Variants in FKBP3 observed in about 807,000 individuals in gnomAD.
The protein encoded by FKBP3 is FKBP prolyl isomerase 3, also known as peptidyl-prolyl cis-trans isomerase FKBP3.
Under a neutral mutation model 30.6 loss-of-function variants are expected in FKBP3, and 21 were observed. The observed-to-expected ratio is 0.69, with a 90% CI of 0.49 to 0.99. FKBP3 has a LOEUF of 0.99. Among genes scored for constraint, FKBP3 ranks in the 50% least tolerant of loss-of-function variants. The pLI is 0.00. For synonymous variants in FKBP3, 82 were observed against 91.3 expected, an observed-to-expected ratio of 0.90 and a Z score of 0.58; for missense variants, 283 against 261.6, an observed-to-expected ratio of 1.08 and a Z score of -0.56.
Position 45,116,126 on chromosome 14 carries a change from AG to A in FKBP3, c.*71del. The A allele has an allele frequency of 9.8e-7, 1 of 1,022,084 alleles. No homozygotes were observed. Among genetic ancestry groups the A allele is most frequent in the East Asian group, 2.4e-5 (1 of 41,840 alleles). The allele number at this position is 1,022,084 out of a possible 1,614,324, so 63.3% of individuals were successfully genotyped here. On this transcript the variant is annotated 3_prime_UTR_variant, in exon 7 of 7. Transcript: ENST00000396062. ...TTTACAATAGTAACAAGTTCTAACT[AG>A]TTGTGTAAATTTCTTCAAGGCCAAG...
intron 5 of FKBP3, among the ~76,000 whole-genome samples, chr14:45,119,490 A>G (rs1407523025): frequency 6.6e-6 from 1 of 151,522 alleles, no homozygotes; most frequent in African/African-American, 2.4e-5. Context: ...AATCGCTTGA[A>G]CTCAGGAGAC....
At chr14:45,123,602 C>A (rs1470141434) in intron 3 of FKBP3, among the ~76,000 whole-genome samples, 1 of 84,300 alleles carries the variant, frequency 1.2e-5, no homozygotes. Flanking sequence ...CTCTCTACTC[C>A]TTTTTTTTTT....
chr14:45,118,036 A>T lies in FKBP3; in HGVS notation c.612T>A (p.Pro204=). ...PEWAYGKKGQ[P]DAKIPPNAKL... ...AGGGGAAAAAAGGATACTTGGCATCAGGCTGTCCTTTCTTTCCGTAAGCCC... is the reference window on the plus strand; with the variant it reads ...AGGGGAAAAAAGGATACTTGGCATCTGGCTGTCCTTTCTTTCCGTAAGCCC... Residue 204 remains proline, a synonymous_variant, in exon 6 of 7, where the codon CCT becomes CCA. Coordinates refer to ENST00000396062, the MANE Select transcript of FKBP3 (RefSeq NM_002013.4). The T allele has an allele frequency of 6.3e-7, 1 of 1,594,974 alleles. No homozygotes were observed.
intron 4 of FKBP3, 110 bp downstream of exon 4, chr14:45,121,375 T>A: frequency 1.2e-6 from 1 of 823,134 alleles, no homozygotes; most frequent in Non-Finnish European, 1.9e-6. Context: ...TATGTCTGGA[T>A]GAAAGTAGGT....
chr14:45,133,535 T>C (rs1408034325), intron 1 of FKBP3: 1 of 155,186 alleles, frequency 6.4e-6, no homozygotes, highest in South Asian at 1.8e-4. Context: ...AAAAATTGTA[T>C]AGAAAACACA....
In FKBP3 at chr14:45,132,366, G is replaced by A. The variant is rs74674143; in HGVS notation, c.109-1566C>T. The stretch of plus-strand genomic sequence containing the variant: ...TGATTAATAAAATAATTATTGTCAA[G>A]TATAGGTCTAAGTGTTAATGATCAC... On this transcript the variant is annotated intron_variant, in intron 1 of 6. Coordinates refer to ENST00000396062, the MANE Select transcript of FKBP3 (RefSeq NM_002013.4). Among the ~76,000 whole-genome samples, 783 of 152,110 alleles carry A rather than the reference G, an allele frequency of 5.1e-3. 11 individuals are homozygous for A. The highest frequency in any genetic ancestry group is 0.018 in the African/African-American group (736 of 41,478).
At position 45,129,844 on chromosome 14, in the gene FKBP3, G is replaced by A; in HGVS notation, c.268C>T (p.Leu90Phe). The A allele has an allele frequency of 6.2e-7, 1 of 1,613,016 alleles. No individual in the cohort carries two copies. The highest frequency in any genetic ancestry group is 8.5e-7 in the Non-Finnish European group (1 of 1,179,450). The change falls in exon 3 of 7, where the codon CTT becomes TTT. Residue 90 changes from leucine to phenylalanine, a missense_variant. By Grantham distance (22) the Leu-to-Phe change is conservative. Coordinates refer to ENST00000396062, the MANE Select transcript of FKBP3 (RefSeq NM_002013.4). ...GTTTCTTTGGGTTTATCTTCATTAA[G>A]CTTCACATTTTTTACTTGCTCAGAC... The part of the protein sequence containing the change: ...KVSEQVKNVK[L>F]NEDKPKETKS...
intron 1 of FKBP3, among the ~76,000 whole-genome samples, chr14:45,132,030 T>G (rs1469780788): frequency 6.6e-6 from 1 of 152,256 alleles, no homozygotes; most frequent in Non-Finnish European, 1.5e-5. Context: ...TTATTCTGCT[T>G]CTTTTTCTGC....
intron 1 of FKBP3, among the ~76,000 whole-genome samples, chr14:45,133,055 G>A (rs1229307638): frequency 6.6e-6 from 1 of 152,172 alleles, no homozygotes; most frequent in African/African-American, 2.4e-5. Flanking sequence ...ATTAATATCT[G>A]CTAAATTAAT....
At chr14:45,123,626 T>C (rs1386536988) in intron 3 of FKBP3, among the ~76,000 whole-genome samples, 1 of 138,194 alleles carries the variant, frequency 7.2e-6, no homozygotes, top group African/African-American at 2.8e-5. Context: ...TTTTTTTTTT[T>C]TTTTTTCAGA....
chr14:45,121,768 A>T, intron 3 of FKBP3, 148 bp from the exon 4 acceptor site: 1 of 799,954 alleles, frequency 1.3e-6, no homozygotes, highest in Non-Finnish European at 1.9e-6. Context: ...TCAGTATCTA[A>T]TTTCAAGGCT....
intron 1 of FKBP3, chr14:45,133,327 C>T: frequency 3.3e-6 from 1 of 301,890 alleles, no homozygotes. Flanking sequence ...ATTAACCTGG[C>T]GTGGTGGCAC....
At chr14:45,126,420 G>A (rs1348528909) in intron 3 of FKBP3, among the ~76,000 whole-genome samples, 1 of 151,572 alleles carries the variant, frequency 6.6e-6, no homozygotes, top group Non-Finnish European at 1.5e-5. Context: ...CCCGGGAGGC[G>A]GAGGTTGCAG....
intron 3 of FKBP3, among the ~76,000 whole-genome samples, chr14:45,122,092 T>A (rs1884997446): frequency 6.6e-6 from 1 of 152,198 alleles, no homozygotes; most frequent in African/African-American, 2.4e-5. Flanking sequence ...TGTCCCCGAT[T>A]TGGAAAATAA....
rs1594747695 is a variant in FKBP3 at position 45,134,411 on chromosome 14, G to A, written c.46C>T (p.Arg16Cys). 1.2e-6 allele frequency: 2 copies of A among 1,613,650 alleles called. No individual in the cohort carries two copies. The highest frequency in any genetic ancestry group is 1.7e-6 in the Non-Finnish European group (2 of 1,179,864). The change falls in exon 1 of 7, where the codon CGC becomes TGC. Residue 16 changes from arginine (R) to cysteine (C), a missense_variant. Coordinates refer to ENST00000396062, the MANE Select transcript of FKBP3 (RefSeq NM_002013.4). ...TCCTTCTTGGGCAGCTGCTCACTGC[G>A]CAGCTGCTCCACGGTCCACGCCCGC... ...PQRAWTVEQL[R>C]SEQLPKKDII... is the part of the protein sequence containing the mutation.
In FKBP3 at chr14:45,118,151, T is replaced by G. The variant is rs763526700; in HGVS notation, c.523-26A>C. 4.0e-6 allele frequency: 6 copies of G among 1,493,954 alleles called. No homozygotes were observed. The South Asian group carries it at 7.2e-5, about 18-fold the overall frequency. 92.5% of individuals were successfully genotyped at this position (1,493,954 alleles called of 1,614,324 possible). ...CTAAAGGCAAGAACAAAATAAAAAC[T>G]AATGGTATTTTGCAAAAAGCACATG... is the stretch of plus-strand genomic sequence containing the variant. On this transcript the variant is annotated intron_variant, in intron 5 of 6. Coordinates refer to ENST00000396062, the MANE Select transcript of FKBP3 (RefSeq NM_002013.4).
intron 3 of FKBP3, among the ~76,000 whole-genome samples, chr14:45,127,903 G>A (rs1316687362): frequency 6.6e-6 from 1 of 152,150 alleles, no homozygotes; most frequent in African/African-American, 2.4e-5. Context: ...ATAAAAGGAA[G>A]ATGTTTGAGA....
At chr14:45,119,590 A>G (rs996217498) in intron 5 of FKBP3, among the ~76,000 whole-genome samples, 2 of 152,140 alleles carry the variant, frequency 1.3e-5, no homozygotes, top group Non-Finnish European at 2.9e-5. Flanking sequence ...AATACGGTAG[A>G]CTAGAAGAAA....
intron 6 of FKBP3, among the ~76,000 whole-genome samples, chr14:45,116,469 G>C (rs771944336): frequency 6.7e-4 from 101 of 151,868 alleles, no homozygotes; most frequent in Middle Eastern, 3.4e-3. Flanking sequence ...TCTAGCTGGG[G>C]GGGGGTGGAA....
Sources: allele counts gnomAD v4.1 joint callset (sites outside exome capture counted in the v4.1 genomes callset), GRCh38; gene constraint gnomAD v4.1.1; transcripts MANE v1.5; gene names NCBI Gene and HGNC (gene_info 2026-07-23, HGNC 2026-07-21).